FNIP1: variants seen among roughly 807,000 people sequenced by gnomAD.
FNIP1 encodes folliculin-interacting protein 1.
FNIP1 carries 40 observed loss-of-function variants against 124.5 expected under a neutral mutation model. The observed-to-expected ratio is 0.32, with a 90% CI of 0.25 to 0.42. The LOEUF (loss-of-function observed/expected upper bound fraction) is 0.42. Ranked by LOEUF, FNIP1 falls within the 10% of genes least tolerant of loss-of-function variation. FNIP1 has a pLI of 1.00. For missense variants in FNIP1, 1,176 were observed against 1,403.7 expected, an observed-to-expected ratio of 0.84 and a Z score of 2.59; for synonymous variants, 472 against 470.6, an observed-to-expected ratio of 1.00 and a Z score of -0.04.
intron 17 of FNIP1, among the ~76,000 whole-genome samples, 200 bp from the exon 18 acceptor site, chr5:131,644,963 G>A (rs1301385645): frequency 6.6e-6 from 1 of 152,178 alleles, no homozygotes; most frequent in Non-Finnish European, 1.5e-5. Context: ...GTAGAAAAGT[G>A]TCTCAATGAC....
intron 1 of FNIP1, among the ~76,000 whole-genome samples, chr5:131,770,166 T>TA (rs1771580128): frequency 6.6e-6 from 1 of 152,258 alleles, no homozygotes; most frequent in African/African-American, 2.4e-5. Context: ...GCTTGTATTC[T>TA]ACCCAGCTGA....
rs755066050 is a variant in FNIP1, at chr5:131,709,226, G to A, written c.753C>T (p.Asp251=). ...CAGACCGTGCTATGCCACTGTCTCT[G>A]TCCTCATTGAGCTCTCTTCCAGGCA... ...MDMPGRELNE[D]RDSGIARSAS... Residue 251 remains aspartate, a synonymous_variant, in exon 8 of 18, where the codon GAC becomes GAT. Transcript: ENST00000510461. 1 of 1,613,988 alleles carries A rather than the reference G, an allele frequency of 6.2e-7. No homozygotes were observed. The highest frequency in any genetic ancestry group is 8.5e-7 in the Non-Finnish European group (1 of 1,179,912).
intron 2 of FNIP1, among the ~76,000 whole-genome samples, chr5:131,733,545 T>C (rs1482225605): frequency 6.6e-6 from 1 of 152,246 alleles, no homozygotes; most frequent in Non-Finnish European, 1.5e-5. Context: ...TGAAGGGCTG[T>C]TGAATTTTGT....
intron 6 of FNIP1, among the ~76,000 whole-genome samples, chr5:131,714,675 C>T (rs1343947737): frequency 1.3e-5 from 2 of 152,190 alleles, no homozygotes; most frequent in African/African-American, 2.4e-5. Context: ...CTTCATAGAA[C>T]ATTTCTTCCC....
chr5:131,652,093 G>GAA, intron 15 of FNIP1, 94 bp from the exon 16 acceptor site: 2 of 1,172,172 alleles, frequency 1.7e-6, no homozygotes, highest in Non-Finnish European at 2.4e-6. Context: ...AACAAAAACA[G>GAA]AAAAAAAAAT....
chr5:131,648,208 A>C (rs1162247428), intron 16 of FNIP1, among the ~76,000 whole-genome samples: 1 of 148,774 alleles, frequency 6.7e-6, no homozygotes, highest in Admixed American at 6.7e-5. Flanking sequence ...TTAGCCGAGC[A>C]TGGTGGCACG....
At chr5:131,713,085 C>G (rs1001416518) in intron 6 of FNIP1, among the ~76,000 whole-genome samples, 5 of 151,764 alleles carry the variant, frequency 3.3e-5, no homozygotes, top group African/African-American at 9.7e-5. Flanking sequence ...GAGACGGAGT[C>G]TCGCTCAGGC....
intron 1 of FNIP1, among the ~76,000 whole-genome samples, chr5:131,788,787 G>T (rs1336925271): frequency 2.0e-5 from 3 of 150,418 alleles, no homozygotes; most frequent in Non-Finnish European, 4.4e-5. Context: ...TAAACCCAGT[G>T]TAAAAAACAA....
intron 15 of FNIP1, among the ~76,000 whole-genome samples, chr5:131,664,259 AT>A (rs1173146823): frequency 6.6e-6 from 1 of 152,194 alleles, no homozygotes. Flanking sequence ...AAAAAGGTTT[AT>A]TAAAATTTTA....
rs1280406862 is a variant in FNIP1, at chr5:131,677,782, T to C, written c.1440A>G (p.Ile480Met). 7 of 1,614,008 alleles carry C rather than the reference T, an allele frequency of 4.3e-6. No homozygotes were observed. The Admixed American group carries it at 1.2e-4, about 27-fold the overall frequency. ...VMPNGQPPIKIFLEKHSSQSV... is the reference protein window; with the variant it reads ...VMPNGQPPIKMFLEKHSSQSV... ...TCTGAGAGGAATGCTTTTCTAAAAA[T>C]ATTTTTATAGGTGGTTGTCCATTTG... The change falls in exon 13 of 18, where the codon ATA becomes ATG. Residue 480 changes from isoleucine (I) to methionine (M), a missense_variant. Ile to Met is a conservative substitution (Grantham distance 10, BLOSUM62 1). This residue lies in a region of FNIP1 where 1,109 missense variants were observed against 1,288.5 expected (regional missense o/e 0.86). Coordinates refer to ENST00000510461, the MANE Select transcript of FNIP1 (RefSeq NM_133372.3).
intron 9 of FNIP1, among the ~76,000 whole-genome samples, chr5:131,704,744 G>A (rs1208271998): frequency 6.6e-6 from 1 of 152,090 alleles, no homozygotes; most frequent in African/African-American, 2.4e-5. Context: ...TTTCAAGAAT[G>A]AATTACCTTG....
intron 14 of FNIP1, among the ~76,000 whole-genome samples, chr5:131,670,835 C>A (rs570538334): frequency 6.6e-6 from 1 of 151,920 alleles, no homozygotes; most frequent in Non-Finnish European, 1.5e-5. Context: ...GTAAAATCAT[C>A]GTTATTTAAA....
intron 1 of FNIP1, among the ~76,000 whole-genome samples, chr5:131,776,686 T>A (rs541124101): frequency 2.0e-5 from 3 of 152,314 alleles, no homozygotes; most frequent in Non-Finnish European, 4.4e-5. Flanking sequence ...TGGAACATAA[T>A]TCCATTTACA....
At chr5:131,713,491 T>C (rs768096232) in intron 6 of FNIP1, among the ~76,000 whole-genome samples, 3 of 152,232 alleles carry the variant, frequency 2.0e-5, no homozygotes, top group Non-Finnish European at 2.9e-5. Context: ...CCACAGAAGA[T>C]ACAACTAACT....
rs898426980 is a variant in FNIP1 at position 131,699,081 on chromosome 5, G to A, written c.1117-79C>T. On this transcript the variant is annotated intron_variant, in intron 10 of 17. Transcript: ENST00000510461. ...TGGAAAAAAGTCTTTTTTAGACAGAGTCACATATTTACACAACGCTCTATC... is the reference window on the plus strand; with the variant it reads ...TGGAAAAAAGTCTTTTTTAGACAGAATCACATATTTACACAACGCTCTATC... 14 of 1,086,006 alleles carry A rather than the reference G, an allele frequency of 1.3e-5. No homozygotes were observed. The African/African-American group carries it at 1.4e-4, about 11-fold the overall frequency. The allele number at this position is 1,086,006 out of a possible 1,614,324, so 67.3% of individuals were successfully genotyped here.
intron 1 of FNIP1, among the ~76,000 whole-genome samples, chr5:131,768,366 C>T (rs1771509437): frequency 6.6e-6 from 1 of 151,970 alleles, no homozygotes; most frequent in South Asian, 2.1e-4. Flanking sequence ...ACTCTATATA[C>T]CTGTGAACTT....
chr5:131,675,495 T>C (rs1289425833), intron 13 of FNIP1, among the ~76,000 whole-genome samples: 1 of 152,170 alleles, frequency 6.6e-6, no homozygotes, highest in East Asian at 1.9e-4. Context: ...CTACTAATAA[T>C]TTGATTTTAA....
chr5:131,787,729 C>T (rs1201884247), intron 1 of FNIP1, among the ~76,000 whole-genome samples: 1 of 152,276 alleles, frequency 6.6e-6, no homozygotes, highest in East Asian at 1.9e-4. Flanking sequence ...AAACAGTGTG[C>T]AGCACAGATC....
rs569482266 is a variant in FNIP1, at chr5:131,686,311, G to A, written c.1203-7136C>T. Among the ~76,000 whole-genome samples the A allele has an allele frequency of 3.9e-5, 6 of 152,282 alleles. No homozygotes were observed. The East Asian group carries it at 1.2e-3, about 29-fold the overall frequency. On this transcript the variant is annotated intron_variant, in intron 11 of 17. Transcript: ENST00000510461. Reference sequence around the variant, plus strand: ...TTCCATTATAGTAGTGCAGAAGAAAGACACAATTTGGTAATTTTTCTCCTT... The same window carrying A: ...TTCCATTATAGTAGTGCAGAAGAAAAACACAATTTGGTAATTTTTCTCCTT...
Sources: allele counts gnomAD v4.1 joint callset (sites outside exome capture counted in the v4.1 genomes callset), GRCh38; gene constraint gnomAD v4.1.1; regional missense constraint gnomAD v4.1.1; transcripts MANE v1.5; gene names NCBI Gene and HGNC (gene_info 2026-07-23, HGNC 2026-07-21).